The following RELL1 variants were observed in gnomAD, a reference collection of about 807,000 sequenced individuals.
RELL1 encodes RELT like 1, also known as RELT-like protein 1.
In RELL1, 10 loss-of-function variants were observed where a neutral mutation model predicts 23.0. The ratio of observed to expected loss-of-function variants is 0.43; its 90% CI spans 0.27 to 0.74. RELL1 has a LOEUF of 0.74. Among genes scored for constraint, RELL1 ranks in the 30% least tolerant of loss-of-function variants. RELL1 has a pLI of 0.19. For synonymous variants in RELL1, 146 were observed against 146.8 expected (o/e 0.99, Z 0.04); for missense variants, 315 against 364.4 (o/e 0.86, Z 1.10).
intron 6 of RELL1, among the ~76,000 whole-genome samples, chr4:37,622,607 C>G (rs1008202704): frequency 6.6e-6 from 1 of 152,090 alleles, no homozygotes; most frequent in African/African-American, 2.4e-5. Flanking sequence ...AATGAACTCT[C>G]GGCATGATCT....
intron 6 of RELL1, among the ~76,000 whole-genome samples, chr4:37,615,292 C>T (rs532828718): frequency 6.6e-6 from 1 of 152,302 alleles, no homozygotes; most frequent in East Asian, 1.9e-4. Flanking sequence ...TGCTTAAAGT[C>T]CTCACTGCTA....
intron 6 of RELL1, among the ~76,000 whole-genome samples, chr4:37,602,597 C>A (rs1025312718): frequency 6.6e-6 from 1 of 151,990 alleles, no homozygotes; most frequent in Admixed American, 6.6e-5. Context: ...GCATGTAGAC[C>A]CTTCACCAAG....
downstream of RELL1, among the ~76,000 whole-genome samples, chr4:37,609,036 G>C (rs1297686884): frequency 6.6e-6 from 1 of 152,224 alleles, no homozygotes; most frequent in Non-Finnish European, 1.5e-5. Context: ...GAAAATCTAG[G>C]TAAGATCATG....
At chr4:37,675,296 C>A (rs1721990685) in intron 1 of RELL1, among the ~76,000 whole-genome samples, 1 of 152,240 alleles carries the variant, frequency 6.6e-6, no homozygotes, top group African/African-American at 2.4e-5. Flanking sequence ...CGAATACCTG[C>A]AATTTCACAT....
chr4:37,675,286 C>T (rs952247290), intron 1 of RELL1, among the ~76,000 whole-genome samples: 22 of 152,138 alleles, frequency 1.4e-4, no homozygotes, highest in Non-Finnish European at 2.4e-4. Context: ...TGCTGGGCAC[C>T]GAATACCTGC....
intron 5 of RELL1, among the ~76,000 whole-genome samples, chr4:37,633,408 CAAAAAAAAAAAAAAAAA>C (rs57256942): frequency 2.9e-4 from 18 of 63,020 alleles, no homozygotes; most frequent in East Asian, 1.4e-3. Flanking sequence ...GACTCCACCT[CAAAAAAAAAAAAAAAAA>C]AAAAAAAAAA....
chr4:37,619,037 C>T (rs1285994027), intron 6 of RELL1, among the ~76,000 whole-genome samples: 1 of 150,566 alleles, frequency 6.6e-6, no homozygotes, highest in Non-Finnish European at 1.5e-5. Context: ...GCGCCACCAC[C>T]CCCAGCTATT....
intron 6 of RELL1, among the ~76,000 whole-genome samples, chr4:37,596,385 C>T (rs528569437): frequency 5.3e-5 from 8 of 152,094 alleles, no homozygotes; most frequent in African/African-American, 1.7e-4. Context: ...GCATCTACAT[C>T]GTTTTTGTAA....
intron 1 of RELL1, among the ~76,000 whole-genome samples, chr4:37,651,634 T>C (rs1720944403): frequency 1.3e-5 from 2 of 152,170 alleles, no homozygotes; most frequent in South Asian, 4.1e-4. Flanking sequence ...TGCTGAAGAA[T>C]TTTAAAGCTT....
At chr4:37,617,695 A>G (rs982523321) in intron 6 of RELL1, among the ~76,000 whole-genome samples, 3 of 152,190 alleles carry the variant, frequency 2.0e-5, no homozygotes, top group African/African-American at 7.2e-5. Flanking sequence ...AGGCAATAGA[A>G]TCGCTTGAAC....
chr4:37,604,834 C>G (rs1477554692), intron 6 of RELL1, among the ~76,000 whole-genome samples: 6 of 105,258 alleles, frequency 5.7e-5, no homozygotes, highest in African/African-American at 1.8e-4. Flanking sequence ...CACACACATA[C>G]ACACAGACAC....
At chr4:37,657,488 C>A (rs1347700219) in intron 1 of RELL1, among the ~76,000 whole-genome samples, 1 of 152,164 alleles carries the variant, frequency 6.6e-6, no homozygotes, top group African/African-American at 2.4e-5. Context: ...AAGGGAGAGA[C>A]AGAGCGGGAG....
At chr4:37,593,865 G>A (rs1243324876) in intron 6 of RELL1, among the ~76,000 whole-genome samples, 1 of 152,142 alleles carries the variant, frequency 6.6e-6, no homozygotes, top group African/African-American at 2.4e-5. Context: ...AGCTACCGCT[G>A]CTCCAACTTC....
At chr4:37,601,148 C>T (rs1719005430) in intron 6 of RELL1, among the ~76,000 whole-genome samples, 1 of 152,192 alleles carries the variant, frequency 6.6e-6, no homozygotes. Flanking sequence ...TCAGGAGAAC[C>T]TCAGGCCCCA....
In RELL1 at chr4:37,626,048, A is replaced by G. The variant is rs76965863; in HGVS notation, c.*3+5337T>C. 1.4e-3 allele frequency among the ~76,000 whole-genome samples: 215 copies of G among 152,316 alleles called. 2 individuals carry two copies. In the East Asian group the frequency reaches 0.027, roughly 19 times the overall value. On this transcript the variant is annotated intron_variant, in intron 6 of 6. Coordinates refer to ENST00000454158, the MANE Select transcript of RELL1 (RefSeq NM_001085400.2). ...TAAATTAAAACTATAATGAGATAAT[A>G]CCTCACACCTGTTAGAATGACAATT...
At chr4:37,650,720 G>A (rs1465809940) in intron 1 of RELL1, among the ~76,000 whole-genome samples, 3 of 151,066 alleles carry the variant, frequency 2.0e-5, no homozygotes, top group African/African-American at 7.3e-5. Context: ...CTGCAGGGGT[G>A]CCACAGGGAC....
intron 1 of RELL1, among the ~76,000 whole-genome samples, chr4:37,656,140 G>A (rs990790425): frequency 5.3e-5 from 8 of 152,274 alleles, no homozygotes; most frequent in South Asian, 2.1e-4. Context: ...TAAAGAAATC[G>A]TGGCATATGA....
chr4:37,665,249 G>C (rs1182341691), intron 1 of RELL1: 2 of 456,124 alleles, frequency 4.4e-6, no homozygotes, highest in African/African-American at 2.0e-5. Context: ...TAAATAAGTA[G>C]ATTCTTTTCA....
intron 1 of RELL1, among the ~76,000 whole-genome samples, chr4:37,664,489 T>C (rs997979482): frequency 1.3e-5 from 2 of 152,302 alleles, no homozygotes; most frequent in East Asian, 3.9e-4. Flanking sequence ...CACAGATGCA[T>C]GTGTTCACAT....
Sources: gnomAD v4.1 joint callset for allele counts (sites outside exome capture counted in the v4.1 genomes callset) on GRCh38, gnomAD v4.1.1 for gene constraint, MANE v1.5 for transcripts, NCBI Gene and HGNC (gene_info 2026-07-23, HGNC 2026-07-21) for gene names.